Variants in ESPN observed in about 807,000 individuals in gnomAD.
ESPN encodes autosomal recessive deafness type 36 protein.
Under a neutral mutation model 77.7 loss-of-function variants are expected in ESPN, and 68 were observed. The observed-to-expected ratio is 0.87, with a 90% CI of 0.72 to 1.07. The LOEUF (loss-of-function observed/expected upper bound fraction) is 1.07, where lower values mean the gene tolerates loss of function less well. Ranked by LOEUF, ESPN falls within the 50% of genes least tolerant of loss-of-function variation. The pLI, the probability that ESPN is intolerant of heterozygous loss-of-function variation, is 0.00. For synonymous variants in ESPN, 449 were observed against 567.1 expected (o/e 0.79, Z 2.96); for missense variants, 1,060 against 1,239.0 (o/e 0.86, Z 2.17).
At chr1:6,459,476 C>T (rs753216629) in intron 12 of ESPN, among the ~76,000 whole-genome samples, 11 of 152,262 alleles carry the variant, frequency 7.2e-5, no homozygotes, top group Non-Finnish European at 1.3e-4. Context: ...CAATTTAGAC[C>T]AGCCACATTT....
intron 2 of ESPN, among the ~76,000 whole-genome samples, chr1:6,438,066 G>A (rs888185484): frequency 6.6e-6 from 1 of 152,126 alleles, no homozygotes; most frequent in East Asian, 1.9e-4. Flanking sequence ...TGAAACACTG[G>A]GGGAGGTAGA....
Position 6,457,379 on chromosome 1 carries a change from G to A in ESPN, c.2417+7G>A. 1 of 1,614,210 alleles carries A rather than the reference G, an allele frequency of 6.2e-7. No individual in the cohort carries two copies. The highest frequency in any genetic ancestry group is 1.3e-5 in the African/African-American group (1 of 75,048). On this transcript the variant is annotated splice_region_variant and intron_variant, in intron 12 of 12. Transcript: ENST00000645284. ...CTTCCAGGGAGCAGAAGCGGTGAGT[G>A]CAGGGCTGGCCCCAACCTGCCACCC...
chr1:6,428,387 C>G lies in ESPN; in HGVS notation c.456C>G (p.Pro152=). The G allele has an allele frequency of 6.2e-7, 1 of 1,612,580 alleles. No individual in the cohort carries two copies. Among genetic ancestry groups the G allele is most frequent in the Non-Finnish European group, 8.5e-7 (1 of 1,179,334 alleles). Residue 152 remains proline (P), a synonymous_variant, in exon 2 of 13, where the codon CCC becomes CCG. Coordinates refer to ENST00000645284, the MANE Select transcript of ESPN (RefSeq NM_031475.3). The surrounding 1 kb of genome is among the most constrained non-coding windows in gnomAD (Gnocchi z 5.4). ...ACGCTGCCGCCAAAGGAGACTTCCC[C>G]TCCCTGAGGCTTCTCGTCGAGCACT... ...IHYAAAKGDF[P]SLRLLVEHYP...
chr1:6,454,699 A>G, intron 10 of ESPN: 1 of 398,534 alleles, frequency 2.5e-6, no homozygotes, highest in Non-Finnish European at 4.4e-6. Context: ...CGCCGAATGC[A>G]TGGCCGCGCC....
At chr1:6,425,754 C>G (rs1267968227) in intron 1 of ESPN, among the ~76,000 whole-genome samples, 3 of 152,234 alleles carry the variant, frequency 2.0e-5, no homozygotes, top group Non-Finnish European at 4.4e-5. Flanking sequence ...AGGCTGACCC[C>G]AGGACATCAG....
intron 1 of ESPN, among the ~76,000 whole-genome samples, chr1:6,426,908 C>T (rs1230091377): frequency 6.6e-6 from 1 of 152,166 alleles, no homozygotes; most frequent in Non-Finnish European, 1.5e-5. Context: ...TGGGCCATCA[C>T]ATTCTCTGCC....
intron 2 of ESPN, among the ~76,000 whole-genome samples, chr1:6,434,952 C>A (rs1370570388): frequency 6.6e-6 from 1 of 151,882 alleles, no homozygotes; most frequent in Non-Finnish European, 1.5e-5. Flanking sequence ...GGTGTAGAGG[C>A]CTCAGGTGGG....
chr1:6,434,752 A>G (rs1643374476), intron 2 of ESPN, among the ~76,000 whole-genome samples: 1 of 152,238 alleles, frequency 6.6e-6, no homozygotes, highest in Admixed American at 6.5e-5. Context: ...GAATAGGAGA[A>G]CAAGATAATT....
intron 10 of ESPN, chr1:6,455,522 G>T (rs1644038903): frequency 2.5e-6 from 1 of 398,124 alleles, no homozygotes; most frequent in African/African-American, 2.1e-5. Flanking sequence ...GCCACTGGCG[G>T]AGCCTGCTGC....
chr1:6,441,121 TGGTGGGTGTCGTCACCCCTTTTACCAA>T, intron 5 of ESPN, 56 bp downstream of exon 5: 1 of 1,582,230 alleles, frequency 6.3e-7, no homozygotes. Flanking sequence ...TCCACCCCAG[TGGTGGGTGTCGTCACCCCTTTTACCAA>T]GGAGGAAGCT....
intron 10 of ESPN, among the ~76,000 whole-genome samples, chr1:6,456,861 GGTCTTGGGCCTGTGGCCAT>G (rs889118469): frequency 2.0e-5 from 3 of 152,222 alleles, no homozygotes; most frequent in Non-Finnish European, 4.4e-5. Context: ...TCTGCCCAGA[GGTCTTGGGCCTGTGGCCAT>G]TGGCCACCTG....
At chr1:6,461,348 A>T (rs1644165396), downstream of ESPN, 1 of 1,439,804 alleles carries the variant, frequency 6.9e-7, no homozygotes, top group Non-Finnish European at 9.3e-7. The surrounding 1 kb of genome is among the most constrained non-coding windows in gnomAD (Gnocchi z 6.3). Context: ...TTAATAAGTG[A>T]CATAAAATGT....
intron 8 of ESPN, among the ~76,000 whole-genome samples, chr1:6,449,855 G>C (rs956746225): frequency 6.6e-6 from 1 of 152,196 alleles, no homozygotes; most frequent in African/African-American, 2.4e-5. Context: ...TAGATGTGGT[G>C]CTCCCATCCC....
chr1:6,432,642 T>C (rs1235008061), intron 2 of ESPN, among the ~76,000 whole-genome samples: 1 of 152,130 alleles, frequency 6.6e-6, no homozygotes, highest in African/African-American at 2.4e-5. Flanking sequence ...TGCTGGGGCA[T>C]CCTAGGGCTT....
chr1:6,431,628 CAAAAAAAAAAAAA>C (rs760363517), intron 2 of ESPN, among the ~76,000 whole-genome samples: 9 of 61,786 alleles, frequency 1.5e-4, no homozygotes, highest in African/African-American at 3.3e-4. Flanking sequence ...AAGATTCTGT[CAAAAAAAAAAAAA>C]AAAAAAAAAA....
intron 2 of ESPN, among the ~76,000 whole-genome samples, chr1:6,436,490 T>C (rs868329982): frequency 0.081 from 11,454 of 142,036 alleles, 581 homozygotes; most frequent in African/African-American, 0.13. Flanking sequence ...TTCTTATTTA[T>C]TTATTTATTT....
intron 10 of ESPN, chr1:6,455,359 G>A (rs886838310): frequency 3.1e-5 from 12 of 384,850 alleles, no homozygotes; most frequent in Non-Finnish European, 4.6e-5. Context: ...CGCCTACGCG[G>A]ACTGCTGCCC....
chr1:6,451,662 A>G lies in ESPN; in HGVS notation c.1975A>G (p.Ile659Val). ...TGDNSELLAEIKAGKSLKPTP... is the reference protein window; with the variant it reads ...TGDNSELLAEVKAGKSLKPTP... ...CGACAACTCGGAGCTACTGGCTGAG[A>G]TTAAGGCAGGCAAGAGCCTGAAGCC... Residue 659 changes from isoleucine to valine, a missense_variant, in exon 9 of 13, where the codon ATT (isoleucine) becomes GTT (valine). Physicochemically the swap from Ile to Val is conservative, Grantham distance 29 (BLOSUM62 3). Coordinates refer to ENST00000645284, the MANE Select transcript of ESPN (RefSeq NM_031475.3). This position sits in a 1 kb window ranked among gnomAD's most constrained non-coding sequence, Gnocchi z 4.3. 1.9e-6 allele frequency: 3 copies of G among 1,613,298 alleles called. No individual in the cohort carries two copies. Among genetic ancestry groups the G allele is most frequent in the Non-Finnish European group, 2.5e-6 (3 of 1,179,964 alleles).
At position 6,445,758 on chromosome 1, in the gene ESPN, A is replaced by ACCCCC; in HGVS notation, c.1288_1292dup (p.Pro433HisfsTer32). On this transcript the variant is annotated frameshift_variant, in exon 7 of 13. Coordinates refer to ENST00000645284, the MANE Select transcript of ESPN (RefSeq NM_031475.3). LOFTEE classifies it high-confidence loss of function. ...CTCGGGGCACGATTGGGAAGCCCAC[A>ACCCCC]CCCCCACCACCCCCACCCAGCTTCC... is the stretch of plus-strand genomic sequence containing the variant. 4 of 1,440,470 alleles carry ACCCCC rather than the reference A, an allele frequency of 2.8e-6. No individual in the cohort carries two copies. The highest frequency in any genetic ancestry group is 5.4e-5 in the East Asian group (2 of 37,230). 89.2% of individuals were successfully genotyped at this position (1,440,470 alleles called of 1,614,324 possible).
Sources: allele counts gnomAD v4.1 joint callset (sites outside exome capture counted in the v4.1 genomes callset), GRCh38; gene constraint gnomAD v4.1.1; non-coding constraint Gnocchi (gnomAD v3.1); transcripts MANE v1.5; gene names NCBI Gene and HGNC (gene_info 2026-07-23, HGNC 2026-07-21).